Variants in CBFA2T2 observed in about 807,000 individuals in gnomAD.
The protein encoded by CBFA2T2 is protein CBFA2T2.
CBFA2T2 carries 11 observed loss-of-function variants against 62.2 expected under a neutral mutation model. That is an observed-to-expected ratio of 0.18 (90% CI 0.11 to 0.29). The LOEUF (loss-of-function observed/expected upper bound fraction) is 0.29. Among genes scored for constraint, CBFA2T2 ranks in the 10% least tolerant of loss-of-function variants. The probability of loss-of-function intolerance (pLI) is 1.00; values close to 1 mark genes in which losing one functional copy is unlikely to be tolerated. For synonymous variants in CBFA2T2, 295 were observed against 287.5 expected (o/e 1.03, Z -0.27); for missense variants, 592 against 774.1 (o/e 0.76, Z 2.79).
intron 1 of CBFA2T2, among the ~76,000 whole-genome samples, chr20:33,580,207 T>C (rs2014049397): frequency 6.6e-6 from 1 of 152,170 alleles, no homozygotes; most frequent in South Asian, 2.1e-4. Context: ...GCGTGTAAAT[T>C]TTTAAATTTT....
intron 1 of CBFA2T2, among the ~76,000 whole-genome samples, chr20:33,518,518 T>C (rs1014933923): frequency 1.3e-5 from 2 of 151,742 alleles, no homozygotes; most frequent in African/African-American, 2.4e-5. Flanking sequence ...ATCCCCACAC[T>C]TTGGTAGGCT....
intron 6 of CBFA2T2, among the ~76,000 whole-genome samples, chr20:33,627,312 G>A (rs1408365144): frequency 6.6e-6 from 1 of 152,084 alleles, no homozygotes; most frequent in African/African-American, 2.4e-5. Flanking sequence ...CAGGAGTAGG[G>A]CGTGAACCTG....
At chr20:33,549,999 A>G (rs1482865085) in intron 1 of CBFA2T2, among the ~76,000 whole-genome samples, 2 of 151,512 alleles carry the variant, frequency 1.3e-5, no homozygotes. Context: ...TTTTAAGTTT[A>G]TAAAATAGGG....
intron 1 of CBFA2T2, chr20:33,574,073 G>C: frequency 1.4e-6 from 2 of 1,481,248 alleles, no homozygotes; most frequent in Non-Finnish European, 1.8e-6. Context: ...ACAGGCAAGA[G>C]CCACCATACC....
chr20:33,623,025 C>T (rs1312056699), intron 4 of CBFA2T2, 90 bp from the exon 5 acceptor site: 10 of 1,237,162 alleles, frequency 8.1e-6, no homozygotes, highest in Non-Finnish European at 1.1e-5. Flanking sequence ...AGGCTTTTAT[C>T]TTGTATCATC....
intron 1 of CBFA2T2, among the ~76,000 whole-genome samples, chr20:33,518,011 C>T (rs2146859231): frequency 6.6e-6 from 1 of 151,362 alleles, no homozygotes; most frequent in African/African-American, 2.4e-5. Flanking sequence ...TGCAGTGGTG[C>T]AATCTCGGCT....
intron 1 of CBFA2T2, among the ~76,000 whole-genome samples, chr20:33,595,431 C>T (rs762355846): frequency 2.0e-5 from 3 of 152,012 alleles, no homozygotes; most frequent in South Asian, 2.1e-4. Context: ...AGGATGGTCT[C>T]GATCTCTTGA....
intron 1 of CBFA2T2, among the ~76,000 whole-genome samples, chr20:33,597,828 G>C (rs1232251800): frequency 6.6e-6 from 1 of 152,162 alleles, no homozygotes; most frequent in East Asian, 1.9e-4. Context: ...TGAAAAGACA[G>C]GGTCTCATAT....
intron 1 of CBFA2T2, among the ~76,000 whole-genome samples, chr20:33,500,828 AAAAAT>A (rs1468833920): frequency 6.6e-6 from 1 of 152,240 alleles, no homozygotes; most frequent in Non-Finnish European, 1.5e-5. Flanking sequence ...GATGAATTAA[AAAAAT>A]AAAAAGGCAA....
At chr20:33,579,734 T>C (rs961147745) in intron 1 of CBFA2T2, among the ~76,000 whole-genome samples, 4 of 152,108 alleles carry the variant, frequency 2.6e-5, no homozygotes, top group Non-Finnish European at 5.9e-5. Context: ...GTCCTTCTTT[T>C]TTGAGATTGC....
chr20:33,561,929 A>G (rs1376766843), intron 1 of CBFA2T2, among the ~76,000 whole-genome samples: 3 of 152,166 alleles, frequency 2.0e-5, no homozygotes, highest in Non-Finnish European at 4.4e-5. Flanking sequence ...TATATTCCCC[A>G]AATTAATTTG....
chr20:33,637,992 T>TTTTTTGTTG (rs2016690203), intron 9 of CBFA2T2, among the ~76,000 whole-genome samples: 1 of 120,122 alleles, frequency 8.3e-6, no homozygotes, highest in Admixed American at 8.3e-5. Flanking sequence ...TTTTTTTTTT[T>TTTTTTGTTG]GAGATGGATT....
intron 1 of CBFA2T2, among the ~76,000 whole-genome samples, chr20:33,528,576 C>T (rs2011951403): frequency 6.6e-6 from 1 of 152,162 alleles, no homozygotes; most frequent in African/African-American, 2.4e-5. Context: ...ATTCTTGTTC[C>T]CAGCCCATGC....
chr20:33,636,944 C>G (rs1463360947), intron 9 of CBFA2T2, among the ~76,000 whole-genome samples: 1 of 152,190 alleles, frequency 6.6e-6, no homozygotes, highest in African/African-American at 2.4e-5. Context: ...CTTTCACACT[C>G]TTCCACTGGG....
intron 1 of CBFA2T2, among the ~76,000 whole-genome samples, chr20:33,604,033 C>A (rs1420002598): frequency 6.6e-6 from 1 of 152,172 alleles, no homozygotes; most frequent in African/African-American, 2.4e-5. Flanking sequence ...GCATTCATGC[C>A]ACCCAGCTTC....
At chr20:33,567,492 A>G (rs1307608575) in intron 1 of CBFA2T2, among the ~76,000 whole-genome samples, 1 of 152,136 alleles carries the variant, frequency 6.6e-6, no homozygotes, top group Non-Finnish European at 1.5e-5. Flanking sequence ...CCACATTCAC[A>G]TAACTTTTAT....
chr20:33,524,061 G>GT (rs2011812601), intron 1 of CBFA2T2, among the ~76,000 whole-genome samples: 1 of 151,362 alleles, frequency 6.6e-6, no homozygotes, highest in South Asian at 2.1e-4. Context: ...AGTTTTTTGG[G>GT]TTTTTTTGTC....
chr20:33,560,695 A>G (rs1218553362), intron 1 of CBFA2T2, among the ~76,000 whole-genome samples: 1 of 152,196 alleles, frequency 6.6e-6, no homozygotes, highest in Non-Finnish European at 1.5e-5. Context: ...TATCCCAAGT[A>G]TGGTAGAAGG....
intron 1 of CBFA2T2, among the ~76,000 whole-genome samples, chr20:33,567,988 C>T (rs1056204703): frequency 6.6e-6 from 1 of 152,128 alleles, no homozygotes; most frequent in African/African-American, 2.4e-5. Context: ...GGTCTTGGAA[C>T]GCATCTCCTT....
Sources: gnomAD v4.1 joint callset for allele counts (sites outside exome capture counted in the v4.1 genomes callset) on GRCh38, gnomAD v4.1.1 for gene constraint, MANE v1.5 for transcripts, NCBI Gene and HGNC (gene_info 2026-07-23, HGNC 2026-07-21) for gene names.